Variants in ZNF41 observed in about 807,000 individuals in gnomAD.
ZNF41 encodes the protein zinc finger protein 41.
Under a neutral mutation model 9.3 loss-of-function variants are expected in ZNF41, and 6 were observed. That is an observed-to-expected ratio of 0.65 (90% CI 0.35 to 1.28). ZNF41 has a LOEUF of 1.28. Ranked by LOEUF, ZNF41 falls within the 50% of genes most tolerant of loss-of-function variation. ZNF41 has a pLI of 0.03. For synonymous variants in ZNF41, 192 were observed against 207.1 expected (o/e 0.93, Z 0.63); for missense variants, 523 against 585.8 (o/e 0.89, Z 1.11).
Position 47,448,950 on chromosome X carries a change from T to C in ZNF41, c.820A>G (p.Thr274Ala). The change falls in exon 5 of 5, where the codon ACT (threonine) becomes GCT (alanine). Residue 274 changes from threonine to alanine, a missense_variant. Thr to Ala is a moderately conservative substitution (Grantham distance 58). Coordinates refer to ENST00000684689, the MANE Select transcript of ZNF41 (RefSeq NM_001324144.2). ...IHPEEKLYVC[T>A]ECVMGFTQKS... ...TGAGTGAAGCCCATTACACATTCAG[T>C]ACACACATAAAGCTTCTCCTCAGGA... 1.7e-6 allele frequency: 2 copies of C among 1,211,675 alleles called. No individual in the cohort carries two copies. The highest frequency in any genetic ancestry group is 1.1e-6 in the Non-Finnish European group (1 of 895,435).
chrX:47,448,324 G>C lies in ZNF41; in HGVS notation c.1446C>G (p.Leu482=), dbSNP rs762030062. ...CGGTGTGAATTCTTTGATGCACATG[G>C]AGTTGTGACTTCTTAGTGAAGGATT... ...CGKSFTKKSQ[L]HVHQRIHTGE... The change falls in exon 5 of 5, where the codon CTC becomes CTG. Residue 482 remains leucine, a synonymous_variant. Transcript: ENST00000684689. 304 of 1,209,410 alleles carry C rather than the reference G, an allele frequency of 2.5e-4. 3 individuals carry two copies. In the South Asian group the frequency reaches 5.2e-3, roughly 21 times the overall value.
chrX:47,447,657 G>A lies in ZNF41; in HGVS notation c.2113C>T (p.Arg705Cys), dbSNP rs771347084. ...DCGKTFTWKS[R>C]LNIHQKSHTG... is the part of the protein sequence containing the mutation. ...TGAGACTTCTGATGTATATTGAGGC[G>A]TGACTTCCAGGTGAAGGTTTTCCCG... The change falls in exon 5 of 5, where the codon CGC becomes TGC. Residue 705 changes from arginine (R) to cysteine (C), a missense_variant. Transcript: ENST00000684689. 3.6e-5 allele frequency: 43 copies of A among 1,209,865 alleles called. 1 individual carries two copies. The highest frequency in any genetic ancestry group is 2.7e-4 in the East Asian group (9 of 33,766).
rs944960887 is a variant in ZNF41, at chrX:47,446,095, T to C, written c.*1335A>G. On this transcript the variant is annotated 3_prime_UTR_variant, in exon 5 of 5. Coordinates refer to ENST00000684689, the MANE Select transcript of ZNF41 (RefSeq NM_001324144.2). ...TGCACTGAGCTGTATGTTTATGATA[T>C]ATGCATTTTCTGTATACATTATAGT... The C allele has an allele frequency of 7.2e-5, 8 of 111,719 alleles. No individual in the cohort carries two copies. The highest frequency in any genetic ancestry group is 2.6e-4 in the African/African-American group (8 of 30,775). 9.2% of individuals were successfully genotyped at this position (111,719 alleles called of 1,213,427 possible).
chrX:47,470,211 A>G (rs1014673879), intron 1 of ZNF41, among the ~76,000 whole-genome samples: 4 of 107,173 alleles, frequency 3.7e-5, no homozygotes, highest in African/African-American at 1.4e-4. Flanking sequence ...CAGGAGTTCA[A>G]GCCCATCCTG....
chrX:47,461,020 T>C (rs907715676), intron 2 of ZNF41, among the ~76,000 whole-genome samples: 4 of 111,790 alleles, frequency 3.6e-5, no homozygotes, highest in African/African-American at 1.3e-4. Flanking sequence ...AAAACAGTGA[T>C]TTTAAAAAAT....
At chrX:47,463,679 C>A (rs1411417707) in intron 2 of ZNF41, among the ~76,000 whole-genome samples, 1 of 111,476 alleles carries the variant, frequency 9.0e-6, no homozygotes, top group Non-Finnish European at 1.9e-5. Flanking sequence ...CAGCCCCAAG[C>A]ACATTTTGGC....
At position 47,446,802 on chromosome X, in the gene ZNF41, T is replaced by C. The variant is rs2056129201; in HGVS notation, c.*628A>G. On this transcript the variant is annotated 3_prime_UTR_variant, in exon 5 of 5. Transcript: ENST00000684689. Reference sequence around the variant, plus strand: ...ATATCTTTAAATTTAAAAATTCCATTGCACTTAAAATATATATACCATGAG... The same window carrying C: ...ATATCTTTAAATTTAAAAATTCCATCGCACTTAAAATATATATACCATGAG... 1 of 111,988 alleles carries C rather than the reference T, an allele frequency of 8.9e-6. No homozygotes were observed. The highest frequency in any genetic ancestry group is 1.9e-5 in the Non-Finnish European group (1 of 53,396). 9.2% of individuals were successfully genotyped at this position (111,988 alleles called of 1,213,427 possible). A position where few individuals can be genotyped will look rare whatever the true frequency, so the allele number is the denominator to read the frequency against.
At chrX:47,465,183 C>G (rs1251619159) in intron 2 of ZNF41, among the ~76,000 whole-genome samples, 1 of 112,900 alleles carries the variant, frequency 8.9e-6, no homozygotes, top group Non-Finnish European at 1.9e-5. Flanking sequence ...CCATGCCCAG[C>G]TGGCAGAAAG....
chrX:47,462,954 C>T (rs2056861041), intron 2 of ZNF41, among the ~76,000 whole-genome samples: 1 of 104,457 alleles, frequency 9.6e-6, no homozygotes, highest in Non-Finnish European at 2.0e-5. Context: ...TATACACACA[C>T]ACACACACAC....
At position 47,449,008 on chromosome X, in the gene ZNF41, G is replaced by A. The variant is rs904994357; in HGVS notation, c.762C>T (p.His254=). The stretch of plus-strand genomic sequence containing the variant: ...TCTGATGGTGGGTGGGAGCTTGTTT[G>A]TGGCTGAGATGTTTTTCATAGTGGT... ...EHDHYEKHLS[H]KQAPTHHQKI... is the part of the protein sequence containing the mutation. The change falls in exon 5 of 5, where the codon CAC becomes CAT. Residue 254 remains histidine (H), a synonymous_variant. Transcript: ENST00000684689. 4.1e-6 allele frequency: 5 copies of A among 1,209,741 alleles called. No homozygotes were observed. In the African/African-American group the frequency reaches 8.8e-5, roughly 21 times the overall value.
At chrX:47,457,706 G>A (rs772263233) in intron 2 of ZNF41, among the ~76,000 whole-genome samples, 38 of 112,002 alleles carry the variant, frequency 3.4e-4, no homozygotes, top group South Asian at 1.8e-3. Flanking sequence ...CGGGCACGGC[G>A]GGTGTCTGTA....
rs1174736879 is a variant in ZNF41, at chrX:47,445,276, G to A, written c.*2154C>T. Among the ~76,000 whole-genome samples, 1 of 111,188 alleles carries A rather than the reference G, an allele frequency of 9.0e-6. No homozygotes were observed. The highest frequency in any genetic ancestry group is 1.9e-5 in the Non-Finnish European group (1 of 53,042). The stretch of plus-strand genomic sequence containing the variant: ...GTACTAGGATAGCTATAATAAAAAA[G>A]ACTAATAATAATAAGAGTTGGTAAG... On this transcript the variant is annotated 3_prime_UTR_variant, in exon 5 of 5. Transcript: ENST00000684689.
At chrX:47,468,936 C>T (rs1486203566) in intron 1 of ZNF41, among the ~76,000 whole-genome samples, 7 of 111,569 alleles carry the variant, frequency 6.3e-5, no homozygotes, top group Non-Finnish European at 1.9e-5. Flanking sequence ...GAAAACTCTA[C>T]AAATCATTGA....
Position 47,449,292 on chromosome X carries a change from C to A in ZNF41, c.478G>T (p.Val160Leu). The A allele has an allele frequency of 8.3e-7, 1 of 1,211,213 alleles. No individual in the cohort carries two copies. Among genetic ancestry groups the A allele is most frequent in the Non-Finnish European group, 1.1e-6 (1 of 895,259 alleles). ...TCATAGCCCCTCTCCTTAATCAATA[C>A]TTTCACATGACTTAAAAGGTTATTC... ...NQNNLLSHVK[V>L]LIKERGYEHK... Residue 160 changes from valine to leucine, a missense_variant, in exon 5 of 5, where the codon GTA (valine) becomes TTA (leucine). Coordinates refer to ENST00000684689, the MANE Select transcript of ZNF41 (RefSeq NM_001324144.2).
rs188532563 is a variant in ZNF41 at position 47,466,455 on chromosome X, C to T, written c.72+955G>A. 4.3e-3 allele frequency among the ~76,000 whole-genome samples: 477 copies of T among 111,391 alleles called. 1 individual carries two copies. Among genetic ancestry groups the T allele is most frequent in the Non-Finnish European group, 7.5e-3 (396 of 53,078 alleles). ...GAGGGTGGAAGACACAGTCAGGAGA[C>T]CTGGCTCCAGTCTAGTGTTGTCACC... On this transcript the variant is annotated intron_variant, in intron 2 of 4. Transcript: ENST00000684689.
At position 47,447,926 on chromosome X, in the gene ZNF41, G is replaced by C; in HGVS notation, c.1844C>G (p.Ala615Gly). The C allele has an allele frequency of 8.3e-7, 1 of 1,211,461 alleles. No homozygotes were observed. Among genetic ancestry groups the C allele is most frequent in the Non-Finnish European group, 1.1e-6 (1 of 895,476 alleles). ...KPYVCPECGK[A>G]FIQKSHFIAH... ...AATGAAGTGCGATTTCTGGATAAAG[G>C]CCTTCCCGCATTCAGGACAAACGTA... Residue 615 changes from alanine to glycine, a missense_variant, in exon 5 of 5, where the codon GCC becomes GGC. By Grantham distance (60) the Ala-to-Gly change is moderately conservative. Transcript: ENST00000684689.
Position 47,446,765 on chromosome X carries a change from A to G in ZNF41, c.*665T>C, listed in dbSNP as rs1488139439. On this transcript the variant is annotated 3_prime_UTR_variant, in exon 5 of 5. Transcript: ENST00000684689. ...GCCTAGAGCTAGGCCTAATTTCTCAATTCATAAAGTTATATCTTTAAATTT... is the reference window on the plus strand; with the variant it reads ...GCCTAGAGCTAGGCCTAATTTCTCAGTTCATAAAGTTATATCTTTAAATTT... The G allele has an allele frequency of 8.9e-6, 1 of 112,377 alleles. No homozygotes were observed. The highest frequency in any genetic ancestry group is 1.9e-5 in the Non-Finnish European group (1 of 53,584). The allele number at this position is 112,377 out of a possible 1,213,427, so 9.3% of individuals were successfully genotyped here. A position where few individuals can be genotyped will look rare whatever the true frequency, so the allele number is the denominator to read the frequency against.
At chrX:47,471,457 G>GA (rs1312948836) in intron 1 of ZNF41, among the ~76,000 whole-genome samples, 47 of 98,900 alleles carry the variant, frequency 4.8e-4, no homozygotes, top group South Asian at 3.1e-3. Context: ...CTCCAAAAAA[G>GA]AAAAAAAAAA....
At position 47,445,853 on chromosome X, in the gene ZNF41, T is replaced by A. The variant is rs1419788838; in HGVS notation, c.*1577A>T. 1 of 112,156 alleles carries A rather than the reference T, an allele frequency of 8.9e-6. No individual in the cohort carries two copies. The highest frequency in any genetic ancestry group is 1.9e-5 in the Non-Finnish European group (1 of 53,254). 9.2% of individuals were successfully genotyped at this position (112,156 alleles called of 1,213,427 possible). A position where few individuals can be genotyped will look rare whatever the true frequency, so the allele number is the denominator to read the frequency against. ...ATGACTCTCACATACATAATGTGAA[T>A]GACAGAAGACAGATGCTAAAGAGTA... On this transcript the variant is annotated 3_prime_UTR_variant, in exon 5 of 5. Transcript: ENST00000684689.
Sources: allele counts gnomAD v4.1 joint callset (sites outside exome capture counted in the v4.1 genomes callset), GRCh38; gene constraint gnomAD v4.1.1; transcripts MANE v1.5; gene names NCBI Gene and HGNC (gene_info 2026-07-23, HGNC 2026-07-21).